The following GSE1 variants were observed in gnomAD, a reference collection of about 807,000 sequenced individuals.
GSE1 encodes the protein genetic suppressor element 1.
GSE1 carries 32 observed loss-of-function variants against 112.6 expected under a neutral mutation model. The observed-to-expected ratio is 0.28, with a 90% CI of 0.21 to 0.38. The LOEUF is 0.38. Among genes scored for constraint, GSE1 ranks in the 10% least tolerant of loss-of-function variants. GSE1 has a pLI of 1.00. For missense variants in GSE1, 2,348 were observed against 1,699.2 expected (o/e 1.38, Z -6.71); for synonymous variants, 1,115 against 735.6 (o/e 1.52, Z -8.35).
At chr16:85,535,626 G>A (rs534349424) in intron 2 of GSE1, among the ~76,000 whole-genome samples, 1 of 152,306 alleles carries the variant, frequency 6.6e-6, no homozygotes, top group African/African-American at 2.4e-5. Context: ...GGGGGTTGGG[G>A]TGATACTGGG....
At chr16:85,624,245 A>G (rs1296945544) in intron 1 of GSE1, among the ~76,000 whole-genome samples, 2 of 152,036 alleles carry the variant, frequency 1.3e-5, no homozygotes, top group African/African-American at 4.8e-5. Flanking sequence ...GACACCTTGG[A>G]CCTCATCCGT....
chr16:85,291,335 G>A (rs773041713), intron 1 of GSE1, among the ~76,000 whole-genome samples: 17 of 152,280 alleles, frequency 1.1e-4, no homozygotes, highest in South Asian at 8.3e-4. Flanking sequence ...TGGGCAGCCC[G>A]CTCTGCAGAA....
intron 1 of GSE1, among the ~76,000 whole-genome samples, chr16:85,568,139 C>G (rs902165796): frequency 1.3e-5 from 2 of 152,250 alleles, no homozygotes; most frequent in African/African-American, 4.8e-5. Flanking sequence ...GCTCCACCCA[C>G]CCACATCCTC....
intron 1 of GSE1, among the ~76,000 whole-genome samples, chr16:85,180,122 T>C (rs1246613416): frequency 6.6e-6 from 1 of 152,256 alleles, no homozygotes; most frequent in East Asian, 1.9e-4. Context: ...CCCTGACTGC[T>C]GTGTTTTAAG....
intron 1 of GSE1, among the ~76,000 whole-genome samples, chr16:85,568,724 G>T (rs1375857439): frequency 6.6e-6 from 1 of 152,186 alleles, no homozygotes; most frequent in Non-Finnish European, 1.5e-5. Context: ...GGTGGGGCTG[G>T]TAACTCACAG....
intron 2 of GSE1, among the ~76,000 whole-genome samples, chr16:85,388,242 G>A (rs2047737657): frequency 6.8e-6 from 1 of 147,854 alleles, no homozygotes; most frequent in Non-Finnish European, 1.5e-5. Flanking sequence ...GTGGATGGAT[G>A]GATGGATGAA....
upstream of GSE1, chr16:85,555,662 ACCCCCTCCCGCCG>A: frequency 1.6e-6 from 1 of 615,560 alleles, no homozygotes; most frequent in Non-Finnish European, 2.0e-6. Context: ...AACAAGAGAT[ACCCCCTCCCGCCG>A]CCCCCCCCTT....
chr16:85,526,225 C>A (rs143646826), intron 2 of GSE1, among the ~76,000 whole-genome samples: 1 of 152,376 alleles, frequency 6.6e-6, no homozygotes, highest in Non-Finnish European at 1.5e-5. Flanking sequence ...GGCCCAGCTC[C>A]TCCCCAGGGA....
chr16:85,661,075 G>C, intron 8 of GSE1, 71 bp from the exon 9 acceptor site: 1 of 1,436,274 alleles, frequency 7.0e-7, no homozygotes, highest in Non-Finnish European at 9.4e-7. Context: ...GGAGCGGCAG[G>C]CAGCCAGGGA....
intron 1 of GSE1, among the ~76,000 whole-genome samples, chr16:85,570,461 T>C (rs1033072519): frequency 6.6e-6 from 1 of 152,248 alleles, no homozygotes. Flanking sequence ...GATCCCAGCC[T>C]GCAGAGAGAG....
intron 2 of GSE1, among the ~76,000 whole-genome samples, chr16:85,533,447 A>G (rs2044203756): frequency 6.6e-6 from 1 of 151,622 alleles, no homozygotes; most frequent in Non-Finnish European, 1.5e-5. Flanking sequence ...AAACAAACAA[A>G]AAATCTCTGT....
chr16:85,473,038 G>A (rs2050342639), intron 2 of GSE1, among the ~76,000 whole-genome samples: 1 of 152,254 alleles, frequency 6.6e-6, no homozygotes, highest in Non-Finnish European at 1.5e-5. Flanking sequence ...CACAGGAGGT[G>A]CGCCCGGCAC....
chr16:85,331,483 GTATATA>G (rs1320375541), intron 1 of GSE1, among the ~76,000 whole-genome samples: 1 of 132,168 alleles, frequency 7.6e-6, no homozygotes, highest in Non-Finnish European at 1.6e-5. Context: ...GTATATATGT[GTATATA>G]TGTGTATATG....
chr16:85,345,104 C>T (rs1308658035), intron 1 of GSE1, among the ~76,000 whole-genome samples: 2 of 151,198 alleles, frequency 1.3e-5, no homozygotes, highest in African/African-American at 4.9e-5. Context: ...CCCCAGGCCT[C>T]CTCTCTGCTT....
intron 2 of GSE1, among the ~76,000 whole-genome samples, chr16:85,409,448 G>A (rs1473457106): frequency 5.6e-5 from 1 of 18,014 alleles, no homozygotes; most frequent in Non-Finnish European, 1.4e-4. Context: ...GGGCCCCCCC[G>A]GATAATCCTC....
At chr16:85,490,812 A>T (rs2050987265) in intron 2 of GSE1, 1 of 152,268 alleles carries the variant, frequency 6.6e-6, no homozygotes, top group Admixed American at 6.5e-5. Flanking sequence ...CCTATGTAAA[A>T]TAAAAAGCCT....
At chr16:85,289,717 C>T (rs2045148952) in intron 1 of GSE1, among the ~76,000 whole-genome samples, 1 of 152,172 alleles carries the variant, frequency 6.6e-6, no homozygotes, top group South Asian at 2.1e-4. Context: ...CTCACGTTTG[C>T]TGGTGAAGGA....
In GSE1 at chr16:85,655,784, C is replaced by A. The variant is rs781068535; in HGVS notation, c.856C>A (p.Pro286Thr). ...LRSPFYPIPTPGSLPPLHPSA... is the reference protein window; with the variant it reads ...LRSPFYPIPTTGSLPPLHPSA... ...GTCCCCGTTCTACCCCATCCCCACC[C>A]CCGGCTCCCTGCCCCCACTGCACCC... Residue 286 changes from proline to threonine, a missense_variant, in exon 6 of 16, where the codon CCC becomes ACC. Transcript: ENST00000253458. The A allele has an allele frequency of 8.7e-6, 14 of 1,610,128 alleles. No individual in the cohort carries two copies. Among genetic ancestry groups the A allele is most frequent in the Non-Finnish European group, 1.2e-5 (14 of 1,177,940 alleles).
chr16:85,561,303 A>G (rs8049418), intron 1 of GSE1, among the ~76,000 whole-genome samples: 100,625 of 151,970 alleles, frequency 0.66, 33,514 homozygotes, highest in East Asian at 0.81. Flanking sequence ...CATGTGCGCT[A>G]AATGGTGGAG....
Sources: allele counts gnomAD v4.1 joint callset (sites outside exome capture counted in the v4.1 genomes callset), GRCh38; gene constraint gnomAD v4.1.1; transcripts MANE v1.5; gene names NCBI Gene and HGNC (gene_info 2026-07-23, HGNC 2026-07-21).